The following MPHOSPH9 variants were observed in gnomAD, a reference collection of about 807,000 sequenced individuals.
The protein encoded by MPHOSPH9 is M-phase phosphoprotein 9.
Under a neutral mutation model 145.5 loss-of-function variants are expected in MPHOSPH9, and 88 were observed. The observed-to-expected ratio is 0.60, with a 90% CI of 0.51 to 0.72. The LOEUF (loss-of-function observed/expected upper bound fraction) is 0.72, where lower values mean the gene tolerates loss of function less well. Ranked by LOEUF, MPHOSPH9 falls within the 30% of genes least tolerant of loss-of-function variation. The pLI, the probability that MPHOSPH9 is intolerant of heterozygous loss-of-function variation, is 0.00. For missense variants in MPHOSPH9, 1,238 were observed against 1,386.6 expected, an observed-to-expected ratio of 0.89 and a Z score of 1.70; for synonymous variants, 435 against 486.2, an observed-to-expected ratio of 0.89 and a Z score of 1.39.
chr12:123,181,224 CA>C lies in MPHOSPH9; in HGVS notation c.2242-15del, dbSNP rs561252978. On this transcript the variant is annotated splice_polypyrimidine_tract_variant and intron_variant, in intron 13 of 23. Transcript: ENST00000606320. ...CTCTCCTAAAAGCTACAAGGAAAAA[CA>C]AAAAAAAATTATACCACAAAATTAA... 1.8e-3 allele frequency: 2,858 copies of C among 1,582,906 alleles called. 3 individuals carry two copies. The highest frequency in any genetic ancestry group is 4.1e-3 in the Admixed American group (232 of 55,964).
chr12:123,202,414 A>G, intron 10 of MPHOSPH9, 95 bp from the exon 11 acceptor site: 1 of 1,314,162 alleles, frequency 7.6e-7, no homozygotes, highest in African/African-American at 1.5e-5. Flanking sequence ...CTCATGGGCA[A>G]AAATATAGCA....
intron 7 of MPHOSPH9, among the ~76,000 whole-genome samples, chr12:123,212,961 G>A (rs1377247253): frequency 1.3e-5 from 2 of 149,958 alleles, no homozygotes; most frequent in African/African-American, 2.4e-5. Flanking sequence ...CTGGGTTCAC[G>A]CCATTCTCCT....
intron 13 of MPHOSPH9, among the ~76,000 whole-genome samples, chr12:123,188,602 C>T (rs898810675): frequency 1.3e-5 from 2 of 152,180 alleles, no homozygotes; most frequent in African/African-American, 4.8e-5. Flanking sequence ...AATCCCAGCA[C>T]TTTGGGAGGC....
rs1488024554 is a variant in MPHOSPH9, at chr12:123,155,507, C to T, written c.*1300G>A. ...TTAAGAGCCACATAAAGAGGAAAAG[C>T]TCAAAAGCAAACCAAAATTTAAAAC... On this transcript the variant is annotated 3_prime_UTR_variant, in exon 24 of 24. Transcript: ENST00000606320. 6.6e-6 allele frequency: 1 copy of T among 152,200 alleles called. No individual in the cohort carries two copies. Among genetic ancestry groups the T allele is most frequent in the South Asian group, 2.1e-4 (1 of 4,830 alleles). The allele number at this position is 152,200 out of a possible 1,614,324, so 9.4% of individuals were successfully genotyped here.
chr12:123,217,977 G>A (rs1018133616), intron 6 of MPHOSPH9, among the ~76,000 whole-genome samples: 10 of 151,734 alleles, frequency 6.6e-5, no homozygotes, highest in Middle Eastern at 3.4e-3. Flanking sequence ...CCCGGGAGGC[G>A]GAGCTTGCAG....
intron 16 of MPHOSPH9, among the ~76,000 whole-genome samples, chr12:123,175,672 A>ACCCCCCCC (rs2044825270): frequency 4.1e-5 from 1 of 24,462 alleles, no homozygotes; most frequent in Non-Finnish European, 8.4e-5. Flanking sequence ...CCCATCCCTC[A>ACCCCCCCC]CCCCACACCT....
Position 123,203,496 on chromosome 12 carries a change from C to T in MPHOSPH9, c.1195-121G>A. On this transcript the variant is annotated intron_variant, in intron 8 of 23. Coordinates refer to ENST00000606320, the MANE Select transcript of MPHOSPH9 (RefSeq NM_022782.4). The stretch of plus-strand genomic sequence containing the variant: ...TAAGCAAATTGAAAATGTAGACTGT[C>T]AGATTTGTAATACAAGCTTGGAAGT... The T allele has an allele frequency of 3.4e-6, 3 of 879,750 alleles. No homozygotes were observed. In the South Asian group the frequency reaches 5.6e-5, roughly 16 times the overall value. 54.5% of individuals were successfully genotyped at this position (879,750 alleles called of 1,614,324 possible).
chr12:123,235,623 C>T (rs1331071605), upstream of MPHOSPH9, among the ~76,000 whole-genome samples: 5 of 151,282 alleles, frequency 3.3e-5, no homozygotes, highest in East Asian at 2.0e-4. Flanking sequence ...CCACCTGCCT[C>T]GGCCTCCCAC....
chr12:123,206,857 T>C (rs1369680342), intron 8 of MPHOSPH9, among the ~76,000 whole-genome samples: 1 of 149,922 alleles, frequency 6.7e-6, no homozygotes, highest in Admixed American at 6.7e-5. Flanking sequence ...GAGGTTGCAG[T>C]GAGCCGAGAT....
At chr12:123,188,083 G>A (rs1043980138) in intron 13 of MPHOSPH9, among the ~76,000 whole-genome samples, 13 of 152,048 alleles carry the variant, frequency 8.5e-5, no homozygotes, top group African/African-American at 3.1e-4. Flanking sequence ...CCAAGATTGC[G>A]CCATTGCACT....
intron 21 of MPHOSPH9, 107 bp from the exon 22 acceptor site, chr12:123,161,490 G>A: frequency 1.7e-6 from 2 of 1,204,198 alleles, no homozygotes; most frequent in Non-Finnish European, 2.3e-6. Flanking sequence ...TAGCTGCTAT[G>A]TGGCCCAAAA....
Position 123,207,146 on chromosome 12 carries a change from TAAAA to T in MPHOSPH9, c.1194+2906_1194+2909del, listed in dbSNP as rs35392378. 3.5e-5 allele frequency among the ~76,000 whole-genome samples: 4 copies of T among 114,584 alleles called. No individual in the cohort carries two copies. The East Asian group carries it at 8.2e-4, about 23-fold the overall frequency. 75.2% of individuals were successfully genotyped at this position (114,584 alleles called of 152,430 possible). ...AATAAAATATAAATTCTAAAGTGGT[TAAAA>T]AAAAAAAAAAAAAAAAGCATTGTAT... On this transcript the variant is annotated intron_variant, in intron 8 of 23. Transcript: ENST00000606320.
chr12:123,200,334 C>A (rs1452817815), intron 11 of MPHOSPH9, among the ~76,000 whole-genome samples: 1 of 150,786 alleles, frequency 6.6e-6, no homozygotes, highest in Non-Finnish European at 1.5e-5. Flanking sequence ...CAGATCAAAT[C>A]TTTTTTGGGA....
intron 3 of MPHOSPH9, among the ~76,000 whole-genome samples, chr12:123,227,234 ATAT>A (rs1274973099): frequency 1.3e-5 from 2 of 152,176 alleles, no homozygotes; most frequent in East Asian, 3.8e-4. Flanking sequence ...TTCATATTTA[ATAT>A]ACAAATTAGT....
chr12:123,202,364 C>A, intron 10 of MPHOSPH9, 45 bp from the exon 11 acceptor site: 1 of 1,525,940 alleles, frequency 6.6e-7, no homozygotes, highest in South Asian at 1.3e-5. Flanking sequence ...AAGCTATCTT[C>A]AGTCTCCATC....
At chr12:123,174,771 TCAAA>T (rs2138027316) in intron 16 of MPHOSPH9, among the ~76,000 whole-genome samples, 2 of 152,312 alleles carry the variant, frequency 1.3e-5, no homozygotes, top group South Asian at 4.1e-4. Context: ...GATATGAATC[TCAAA>T]CAAAAATATT....
intron 1 of MPHOSPH9, among the ~76,000 whole-genome samples, chr12:123,238,607 C>G (rs1446011100): frequency 2.6e-5 from 4 of 152,122 alleles, no homozygotes; most frequent in African/African-American, 9.7e-5. Flanking sequence ...CCCATCTCTA[C>G]TTTTTTAGAA....
rs1478882237 is a variant in MPHOSPH9, at chr12:123,202,169, T to C, written c.1932A>G (p.Val644=). The change falls in exon 11 of 24, where the codon GTA becomes GTG. Residue 644 remains valine (V), a synonymous_variant. Coordinates refer to ENST00000606320, the MANE Select transcript of MPHOSPH9 (RefSeq NM_022782.4). The part of the protein sequence containing the change: ...EDWKITNQIL[V]DRCGQLDSAL... The stretch of plus-strand genomic sequence containing the variant: ...AGCTAAATTATAAATTTTACCTGTC[T>C]ACAAGAATTTGATTGGTTATCTTCC... 6.2e-7 allele frequency: 1 copy of C among 1,606,596 alleles called. No individual in the cohort carries two copies. The highest frequency in any genetic ancestry group is 2.2e-5 in the East Asian group (1 of 44,680).
At chr12:123,166,918 C>T (rs1282235756) in intron 16 of MPHOSPH9, 129 bp from the exon 17 acceptor site, 2 of 934,440 alleles carry the variant, frequency 2.1e-6, no homozygotes, top group Non-Finnish European at 3.1e-6. Context: ...TCACATGTAA[C>T]AATCTATATT....
Sources: gnomAD v4.1 joint callset for allele counts (sites outside exome capture counted in the v4.1 genomes callset) on GRCh38, gnomAD v4.1.1 for gene constraint, MANE v1.5 for transcripts, NCBI Gene and HGNC (gene_info 2026-07-23, HGNC 2026-07-21) for gene names.